IGSF11: variants seen among roughly 807,000 people sequenced by gnomAD.
IGSF11 encodes CXADR like 1.
Under a neutral mutation model 41.0 loss-of-function variants are expected in IGSF11, and 22 were observed. The ratio of observed to expected loss-of-function variants is 0.54; its 90% CI spans 0.38 to 0.77. IGSF11 has a LOEUF of 0.77. Ranked by LOEUF, IGSF11 falls within the 30% of genes least tolerant of loss-of-function variation. IGSF11 has a pLI of 0.00. For synonymous variants in IGSF11, 219 were observed against 201.3 expected, an observed-to-expected ratio of 1.09 and a Z score of -0.74; for missense variants, 444 against 530.8, an observed-to-expected ratio of 0.84 and a Z score of 1.61.
chr3:119,128,520 GAC>G (rs2077435285), intron 1 of IGSF11, among the ~76,000 whole-genome samples: 1 of 151,862 alleles, frequency 6.6e-6, no homozygotes, highest in Non-Finnish European at 1.5e-5. Flanking sequence ...TATGTGCAAA[GAC>G]ACACACAGGC....
At chr3:119,049,605 A>G (rs1941527444) in intron 1 of IGSF11, among the ~76,000 whole-genome samples, 1 of 151,684 alleles carries the variant, frequency 6.6e-6, no homozygotes, top group East Asian at 1.9e-4. Context: ...TGCCATCCCC[A>G]TCAAGCTACC....
intron 1 of IGSF11, among the ~76,000 whole-genome samples, chr3:118,931,656 A>T (rs1942862403): frequency 6.6e-6 from 1 of 152,198 alleles, no homozygotes; most frequent in African/African-American, 2.4e-5. Flanking sequence ...GGACTTGTAA[A>T]TAGACTTACT....
chr3:118,904,766 CTCCAGCTATTAGTCCAATGT>C lies in IGSF11; in HGVS notation c.716_735del (p.Asn239SerfsTer28). 1 of 1,613,046 alleles carries C rather than the reference CTCCAGCTATTAGTCCAATGT, an allele frequency of 6.2e-7. No homozygotes were observed. ...ATAATAACTGCACCAGTGCCAATGG[CTCCAGCTATTAGTCCAATGT>C]TCCTGGGCTGGGCTGCAAAATATAT... On this transcript the variant is annotated frameshift_variant, in exon 6 of 7. Transcript: ENST00000393775. LOFTEE classifies it high-confidence loss of function.
intron 1 of IGSF11, among the ~76,000 whole-genome samples, chr3:119,033,599 G>A (rs550239535): frequency 1.9e-4 from 29 of 152,266 alleles, no homozygotes; most frequent in Admixed American, 7.2e-4. Context: ...ATAAGGCCAT[G>A]AAATGACTGG....
intron 1 of IGSF11, among the ~76,000 whole-genome samples, chr3:119,099,443 A>G (rs1047614440): frequency 6.6e-6 from 1 of 152,238 alleles, no homozygotes; most frequent in African/African-American, 2.4e-5. Flanking sequence ...ATTCAGAGAC[A>G]TGGGAGTACA....
At chr3:118,941,149 A>G (rs1486700248) in intron 1 of IGSF11, among the ~76,000 whole-genome samples, 6 of 152,104 alleles carry the variant, frequency 3.9e-5, no homozygotes, top group Non-Finnish European at 8.8e-5. Context: ...AAACAATAAT[A>G]AAACAAGGTA....
chr3:118,998,148 T>C (rs1459068249), intron 1 of IGSF11, among the ~76,000 whole-genome samples: 1 of 152,314 alleles, frequency 6.6e-6, no homozygotes, highest in Non-Finnish European at 1.5e-5. Context: ...ATCCAGGGAA[T>C]GTGTACAACA....
intron 1 of IGSF11, among the ~76,000 whole-genome samples, chr3:118,959,989 G>T (rs1208743578): frequency 6.6e-6 from 1 of 151,540 alleles, no homozygotes; most frequent in African/African-American, 2.4e-5. Context: ...AGCTTGCAGT[G>T]AGCGGAGATC....
chr3:119,059,130 T>C (rs1160886529), intron 1 of IGSF11, among the ~76,000 whole-genome samples: 1 of 147,480 alleles, frequency 6.8e-6, no homozygotes, highest in Non-Finnish European at 1.5e-5. Context: ...ATAATAATAA[T>C]AAAATTTAAA....
chr3:119,027,420 CAAT>C (rs1411253229), intron 1 of IGSF11, among the ~76,000 whole-genome samples: 1 of 152,080 alleles, frequency 6.6e-6, no homozygotes, highest in South Asian at 2.1e-4. Flanking sequence ...TGGGATATCA[CAAT>C]AAATGAGATG....
At chr3:119,050,569 A>G (rs994745243) in intron 1 of IGSF11, among the ~76,000 whole-genome samples, 3 of 151,756 alleles carry the variant, frequency 2.0e-5, no homozygotes, top group African/African-American at 4.8e-5. Context: ...TAGTTCAACC[A>G]TTGTGGAAGT....
intron 1 of IGSF11, among the ~76,000 whole-genome samples, chr3:119,127,696 A>G (rs1211882317): frequency 6.6e-6 from 1 of 152,240 alleles, no homozygotes; most frequent in Admixed American, 6.5e-5. Context: ...TCAGACTAAC[A>G]GCAGACCTCT....
chr3:119,055,879 C>A (rs1339121632), intron 1 of IGSF11, among the ~76,000 whole-genome samples: 3 of 152,050 alleles, frequency 2.0e-5, no homozygotes, highest in Non-Finnish European at 4.4e-5. Flanking sequence ...CTACTGGGTA[C>A]ATAACGAAAT....
chr3:118,985,402 T>C (rs894570447), intron 1 of IGSF11, among the ~76,000 whole-genome samples: 3 of 152,170 alleles, frequency 2.0e-5, no homozygotes, highest in African/African-American at 7.2e-5. Context: ...GACAAGGGGA[T>C]CATTCTACTT....
At chr3:118,921,886 A>T (rs2866317) in intron 4 of IGSF11, among the ~76,000 whole-genome samples, 62 of 152,046 alleles carry the variant, frequency 4.1e-4, no homozygotes, top group African/African-American at 1.4e-3. Flanking sequence ...GGCAAATTTT[A>T]GTAGGCAAAT....
intron 1 of IGSF11, among the ~76,000 whole-genome samples, chr3:118,953,995 G>T (rs1376627807): frequency 6.6e-6 from 1 of 152,086 alleles, no homozygotes; most frequent in Non-Finnish European, 1.5e-5. Context: ...GTCTAGAAAG[G>T]TTATTCCAAT....
chr3:118,914,007 T>A (rs1311351769), intron 4 of IGSF11, among the ~76,000 whole-genome samples: 1 of 151,904 alleles, frequency 6.6e-6, no homozygotes, highest in Non-Finnish European at 1.5e-5. Flanking sequence ...TTAGGGAAAA[T>A]GGAAGAAAGA....
At chr3:119,046,703 A>G (rs1380556436) in intron 1 of IGSF11, among the ~76,000 whole-genome samples, 1 of 152,134 alleles carries the variant, frequency 6.6e-6, no homozygotes, top group African/African-American at 2.4e-5. Flanking sequence ...CAGATTCACC[A>G]AAGTTGAAAT....
At chr3:119,106,733 C>T (rs192110684), upstream of IGSF11, among the ~76,000 whole-genome samples, 1 of 151,994 alleles carries the variant, frequency 6.6e-6, no homozygotes, top group Non-Finnish European at 1.5e-5. Flanking sequence ...GCTATCCCTC[C>T]CCCCTCCTCC....
Sources: gnomAD v4.1 joint callset for allele counts (sites outside exome capture counted in the v4.1 genomes callset) on GRCh38, gnomAD v4.1.1 for gene constraint, MANE v1.5 for transcripts, NCBI Gene and HGNC (gene_info 2026-07-23, HGNC 2026-07-21) for gene names.